Variants in NNT observed in about 807,000 individuals in gnomAD.
NNT encodes NAD(P) transhydrogenase, mitochondrial.
A neutral mutation model predicts 104.8 loss-of-function variants in NNT; 50 were observed. The ratio of observed to expected loss-of-function variants is 0.48; its 90% CI spans 0.38 to 0.60. The LOEUF is 0.60. NNT is among the 20% of genes least tolerant of loss of function. The pLI is 0.00. For missense variants in NNT, 1,131 were observed against 1,330.7 expected, an observed-to-expected ratio of 0.85 and a Z score of 2.33; for synonymous variants, 461 against 490.4, an observed-to-expected ratio of 0.94 and a Z score of 0.79.
chr5:43,659,619 CT>C (rs1740248155), intron 17 of NNT, among the ~76,000 whole-genome samples: 1 of 151,966 alleles, frequency 6.6e-6, no homozygotes, highest in Non-Finnish European at 1.5e-5. Context: ...ATCCCAGCTA[CT>C]TGGTAGGCTG....
At chr5:43,703,524 G>A (rs1303851840) in intron 21 of NNT, among the ~76,000 whole-genome samples, 2 of 152,076 alleles carry the variant, frequency 1.3e-5, no homozygotes, top group Non-Finnish European at 2.9e-5. Context: ...CTATACTAAC[G>A]CTATAAGAAG....
In NNT at chr5:43,609,141, A is replaced by T. The variant is rs1391189804; in HGVS notation, c.-53-2A>T. The T allele has an allele frequency of 5.5e-6, 8 of 1,457,234 alleles. No homozygotes were observed. Among genetic ancestry groups the T allele is most frequent in the Middle Eastern group, 1.8e-4 (1 of 5,598 alleles). 90.3% of individuals were successfully genotyped at this position (1,457,234 alleles called of 1,614,324 possible). A position where few individuals can be genotyped will look rare whatever the true frequency, so the allele number is the denominator to read the frequency against. ...TATACATCCTATTTTCTTTTTTCTT[A>T]GTGATTTGCCTTCAAGGAAACTGGG... On this transcript the variant is annotated splice_acceptor_variant, in intron 1 of 21. Transcript: ENST00000344920. LOFTEE classifies it low-confidence loss of function (5UTR_SPLICE).
At chr5:43,677,617 G>T (rs1450781028) in intron 18 of NNT, 108 bp from the exon 19 acceptor site, 9 of 932,180 alleles carry the variant, frequency 9.7e-6, no homozygotes, top group Non-Finnish European at 1.2e-5. Flanking sequence ...CCTGTTAAAT[G>T]ATTGCCTCTG....
At chr5:43,645,624 C>T in intron 10 of NNT, 114 bp downstream of exon 10, 1 of 317,440 alleles carries the variant, frequency 3.2e-6, no homozygotes, top group African/African-American at 2.4e-5. Flanking sequence ...GATATATATA[C>T]ACATATATAT....
chr5:43,688,977 C>A (rs1291009705), intron 19 of NNT, among the ~76,000 whole-genome samples: 1 of 152,176 alleles, frequency 6.6e-6, no homozygotes, highest in Non-Finnish European at 1.5e-5. Context: ...ACACTGTTTA[C>A]CATAGTGTAT....
chr5:43,675,621 C>G lies in NNT; in HGVS notation c.2745C>G (p.Asp915Glu). 1 of 1,611,770 alleles carries G rather than the reference C, an allele frequency of 6.2e-7. No homozygotes were observed. Among genetic ancestry groups the G allele is most frequent in the Non-Finnish European group, 8.5e-7 (1 of 1,179,142 alleles). ...GCACACATACGGAAATCAACCTTGA[C>G]AATGCAATTGACATGATTCGAGAAG... The part of the protein sequence containing the change: ...ISGTHTEINL[D>E]NAIDMIREAN... Residue 915 changes from aspartate (D) to glutamate (E), a missense_variant, in exon 18 of 22, where the codon GAC (aspartate) becomes GAG (glutamate). Asp to Glu is a conservative substitution (Grantham distance 45, BLOSUM62 2). Transcript: ENST00000344920.
intron 2 of NNT, among the ~76,000 whole-genome samples, chr5:43,610,870 A>C (rs1428600655): frequency 6.6e-6 from 1 of 152,222 alleles, no homozygotes; most frequent in African/African-American, 2.4e-5. Flanking sequence ...CTCTATATTG[A>C]TTATGTATAA....
chr5:43,656,837 T>C (rs749859616), intron 16 of NNT, 24 bp downstream of exon 16: 1 of 1,592,900 alleles, frequency 6.3e-7, no homozygotes, highest in South Asian at 1.1e-5. Flanking sequence ...GATTGAAAAG[T>C]ACATATTTGG....
chr5:43,691,707 A>G (rs1324678398), intron 19 of NNT, among the ~76,000 whole-genome samples: 19 of 152,366 alleles, frequency 1.2e-4, no homozygotes, highest in Admixed American at 1.2e-3. Context: ...CATCTCTGTT[A>G]AAGTGAAATG....
chr5:43,692,748 G>C (rs565255961), intron 19 of NNT, among the ~76,000 whole-genome samples: 4 of 152,210 alleles, frequency 2.6e-5, no homozygotes, highest in African/African-American at 4.8e-5. Context: ...TTCTTTCTTT[G>C]TTTATTTCTT....
intron 10 of NNT, chr5:43,648,029 T>C (rs907397230): frequency 5.2e-6 from 6 of 1,146,848 alleles, no homozygotes; most frequent in Non-Finnish European, 5.8e-6. Context: ...AGAACCAGGA[T>C]TCAAACCAGA....
At chr5:43,681,547 A>G (rs568350578) in intron 19 of NNT, among the ~76,000 whole-genome samples, 1 of 151,884 alleles carries the variant, frequency 6.6e-6, no homozygotes, top group Admixed American at 6.6e-5. Context: ...CTACAGGCGC[A>G]TACCACCACA....
chr5:43,644,567 A>G (rs1486351090), intron 8 of NNT, 44 bp from the exon 9 acceptor site: 13 of 1,495,078 alleles, frequency 8.7e-6, no homozygotes, highest in South Asian at 1.2e-5. Flanking sequence ...ATGAATGTGA[A>G]CATAGGGTGA....
intron 10 of NNT, among the ~76,000 whole-genome samples, chr5:43,647,773 T>C (rs1013096589): frequency 2.0e-5 from 3 of 152,330 alleles, no homozygotes. Context: ...GACTGTGGAT[T>C]GTGATAAGGT....
At chr5:43,697,837 T>C (rs986844829) in intron 19 of NNT, among the ~76,000 whole-genome samples, 1 of 152,154 alleles carries the variant, frequency 6.6e-6, no homozygotes, top group Admixed American at 6.5e-5. Flanking sequence ...CTTGTGAAAC[T>C]TATTCACTAT....
intron 19 of NNT, among the ~76,000 whole-genome samples, chr5:43,686,464 T>C (rs893776427): frequency 2.0e-5 from 3 of 152,070 alleles, no homozygotes; most frequent in Admixed American, 6.6e-5. Flanking sequence ...TCAATCTAGA[T>C]TGACTATACA....
chr5:43,639,854 G>C (rs1457940868), intron 7 of NNT, among the ~76,000 whole-genome samples: 11 of 152,010 alleles, frequency 7.2e-5, no homozygotes, highest in Non-Finnish European at 1.5e-5. Flanking sequence ...CCCACAGTTG[G>C]TATTGTGTCA....
At position 43,607,850 on chromosome 5, in the gene NNT, A is replaced by G. The variant is rs534597408; in HGVS notation, c.-53-1293A>G. ...CAGATGCTCAGTCCCGTGAGGGTCC[A>G]CATGATACAGCAGAACTTACAGGCA... On this transcript the variant is annotated intron_variant, in intron 1 of 21. Transcript: ENST00000344920. 2.6e-5 allele frequency among the ~76,000 whole-genome samples: 4 copies of G among 152,332 alleles called. No individual in the cohort carries two copies. In the East Asian group the frequency reaches 5.8e-4, roughly 22 times the overall value.
At chr5:43,670,740 G>C (rs62368561) in intron 17 of NNT, among the ~76,000 whole-genome samples, 5,139 of 152,296 alleles carry the variant, frequency 0.034, 135 homozygotes, top group East Asian at 0.12. Flanking sequence ...GTGTGGTGCT[G>C]AGAAGAATGT....
Sources: gnomAD v4.1 joint callset for allele counts (sites outside exome capture counted in the v4.1 genomes callset) on GRCh38, gnomAD v4.1.1 for gene constraint, MANE v1.5 for transcripts, NCBI Gene and HGNC (gene_info 2026-07-23, HGNC 2026-07-21) for gene names.